The following CLDN10 variants were observed in gnomAD, a reference collection of about 807,000 sequenced individuals.
CLDN10 encodes the protein claudin 10.
Under a neutral mutation model 22.9 loss-of-function variants are expected in CLDN10, and 15 were observed. The observed-to-expected ratio is 0.65, with a 90% confidence interval of 0.44 to 1.01. The LOEUF (loss-of-function observed/expected upper bound fraction) is 1.01. Among genes scored for constraint, CLDN10 ranks in the 50% least tolerant of loss-of-function variants. The pLI is 0.00. For missense variants in CLDN10, 247 were observed against 287.8 expected, an observed-to-expected ratio of 0.86 and a Z score of 1.03; for synonymous variants, 114 against 111.4, an observed-to-expected ratio of 1.02 and a Z score of -0.15.
intron 1 of CLDN10, among the ~76,000 whole-genome samples, chr13:95,508,052 C>T (rs2043057255): frequency 6.6e-6 from 1 of 152,004 alleles, no homozygotes. Flanking sequence ...TGTACCACTG[C>T]ACTCCAGCCT....
At chr13:95,480,060 G>C (rs1196399059) in intron 1 of CLDN10, 1 of 117,438 alleles carries the variant, frequency 8.5e-6, no homozygotes, top group East Asian at 2.4e-4. Context: ...AATCATGGTG[G>C]AAGGTGAAGG....
At chr13:95,477,570 A>C (rs1398742036) in intron 1 of CLDN10, among the ~76,000 whole-genome samples, 1 of 152,222 alleles carries the variant, frequency 6.6e-6, no homozygotes, top group East Asian at 1.9e-4. Context: ...ATGTTAAAGC[A>C]TCAGGTTTAC....
chr13:95,446,791 G>C (rs571108341), intron 1 of CLDN10, among the ~76,000 whole-genome samples: 4 of 151,912 alleles, frequency 2.6e-5, no homozygotes, highest in African/African-American at 9.7e-5. Flanking sequence ...GCAGTGAACC[G>C]AGATTGTGCC....
intron 1 of CLDN10, among the ~76,000 whole-genome samples, chr13:95,489,010 G>A (rs2042839133): frequency 1.5e-5 from 2 of 134,906 alleles, no homozygotes; most frequent in Non-Finnish European, 3.1e-5. Flanking sequence ...AGAGTGCAAT[G>A]GCATGATCTC....
At chr13:95,475,032 C>G (rs1434752544) in intron 1 of CLDN10, among the ~76,000 whole-genome samples, 2 of 152,162 alleles carry the variant, frequency 1.3e-5, no homozygotes, top group East Asian at 3.8e-4. Flanking sequence ...TTTGGCTTCA[C>G]AGACAGAGTG....
intron 1 of CLDN10, among the ~76,000 whole-genome samples, chr13:95,511,642 T>G (rs1426998560): frequency 6.6e-6 from 1 of 151,610 alleles, no homozygotes; most frequent in Non-Finnish European, 1.5e-5. Flanking sequence ...TTTTTTTGGT[T>G]TTTGTTTGTT....
intron 1 of CLDN10, among the ~76,000 whole-genome samples, chr13:95,438,648 T>A (rs977078685): frequency 1.2e-4 from 18 of 152,108 alleles, no homozygotes; most frequent in Admixed American, 9.8e-4. Flanking sequence ...ATGCTTCACC[T>A]CTCTCCCCAC....
intron 1 of CLDN10, among the ~76,000 whole-genome samples, chr13:95,487,742 A>G (rs1468010679): frequency 7.0e-6 from 1 of 143,082 alleles, no homozygotes; most frequent in Non-Finnish European, 1.5e-5. Context: ...TGGCGTGATC[A>G]TGGTTCACTG....
chr13:95,499,835 G>A (rs1400205480), intron 1 of CLDN10, among the ~76,000 whole-genome samples: 2 of 152,182 alleles, frequency 1.3e-5, no homozygotes, highest in Non-Finnish European at 1.5e-5. Context: ...AAGGGTATCC[G>A]ATCTTTTGGC....
intron 1 of CLDN10, among the ~76,000 whole-genome samples, chr13:95,451,587 T>G (rs1188795084): frequency 2.0e-5 from 3 of 152,220 alleles, no homozygotes; most frequent in African/African-American, 7.2e-5. Flanking sequence ...CAAGCCTCCA[T>G]GCACAGCTGG....
chr13:95,461,702 T>C (rs1418883705), intron 1 of CLDN10, among the ~76,000 whole-genome samples: 1 of 152,110 alleles, frequency 6.6e-6, no homozygotes, highest in African/African-American at 2.4e-5. Context: ...CTGATGACAG[T>C]TCTGCTTTAT....
chr13:95,511,200 T>C (rs1280468292), intron 1 of CLDN10, among the ~76,000 whole-genome samples: 2 of 152,182 alleles, frequency 1.3e-5, no homozygotes, highest in Non-Finnish European at 2.9e-5. Context: ...GTCAGTCAAC[T>C]GTAAGAACTC....
At chr13:95,479,205 C>T (rs368770418) in intron 1 of CLDN10, among the ~76,000 whole-genome samples, 39 of 152,224 alleles carry the variant, frequency 2.6e-4, no homozygotes, top group Admixed American at 7.9e-4. Context: ...AAAAATTAGC[C>T]GGGTGTGGTG....
chr13:95,545,393 A>G (rs979744521), intron 1 of CLDN10, among the ~76,000 whole-genome samples: 3 of 151,868 alleles, frequency 2.0e-5, no homozygotes, highest in Non-Finnish European at 4.4e-5. Context: ...AAAATACAAA[A>G]TTACCCAGGC....
intron 1 of CLDN10, among the ~76,000 whole-genome samples, chr13:95,477,263 G>A (rs1004976316): frequency 2.0e-5 from 3 of 152,144 alleles, no homozygotes; most frequent in African/African-American, 7.2e-5. Context: ...GAAAGAGTGG[G>A]CAAGGCAGGG....
chr13:95,537,046 G>C (rs538961514), intron 1 of CLDN10, among the ~76,000 whole-genome samples: 23 of 152,302 alleles, frequency 1.5e-4, no homozygotes, highest in Admixed American at 8.5e-4. Context: ...GCAGAGCTAA[G>C]GCTTGCTGAA....
chr13:95,444,066 T>A (rs2042348731), intron 1 of CLDN10, among the ~76,000 whole-genome samples: 1 of 152,040 alleles, frequency 6.6e-6, no homozygotes. Context: ...GTAGAAAAGG[T>A]TCAGGTTTAT....
At position 95,512,319 on chromosome 13, in the gene CLDN10, T is replaced by C. The variant is rs575082916; in HGVS notation, c.215-47813T>C. Among the ~76,000 whole-genome samples the C allele has an allele frequency of 3.4e-3, 495 of 145,772 alleles. 3 individuals are homozygous for C. Among genetic ancestry groups the C allele is most frequent in the South Asian group, 0.03 (144 of 4,752 alleles). On this transcript the variant is annotated intron_variant, in intron 1 of 4. Coordinates refer to the CLDN10 transcript ENST00000376873. ...TGTATATCTGTTTTTGATGTTAATA[T>C]GAGCAATGTGTTTGACCAACAAGGC...
At chr13:95,474,595 C>A (rs558026272) in intron 1 of CLDN10, among the ~76,000 whole-genome samples, 1 of 152,304 alleles carries the variant, frequency 6.6e-6, no homozygotes, top group South Asian at 2.1e-4. Context: ...CGGCTTCTAG[C>A]AGGGAAGAGA....
Sources: allele counts gnomAD v4.1 joint callset (sites outside exome capture counted in the v4.1 genomes callset), GRCh38; gene constraint gnomAD v4.1.1; transcripts MANE v1.5; gene names NCBI Gene and HGNC (gene_info 2026-07-23, HGNC 2026-07-21).